XPR1: variants seen among roughly 807,000 people sequenced by gnomAD.
XPR1 encodes the protein xenotropic and polytropic retrovirus receptor 1.
XPR1 carries 28 observed loss-of-function variants against 87.5 expected under a neutral mutation model. That is an observed-to-expected ratio of 0.32 (90% CI 0.24 to 0.44). XPR1 has a LOEUF of 0.44. Among genes scored for constraint, XPR1 ranks in the 20% least tolerant of loss-of-function variants. The probability of loss-of-function intolerance (pLI) is 1.00; values close to 1 mark genes in which losing one functional copy is unlikely to be tolerated. For missense variants in XPR1, 559 were observed against 862.3 expected (o/e 0.65, Z 4.41); for synonymous variants, 300 against 306.1 (o/e 0.98, Z 0.21).
intron 11 of XPR1, among the ~76,000 whole-genome samples, chr1:180,851,419 G>C (rs1173830126): frequency 6.6e-6 from 1 of 152,136 alleles, no homozygotes. Context: ...ATTTATTTGT[G>C]TGCCTATAGA....
chr1:180,772,357 C>T (rs1466821533), intron 2 of XPR1, among the ~76,000 whole-genome samples: 1 of 152,122 alleles, frequency 6.6e-6, no homozygotes, highest in Non-Finnish European at 1.5e-5. Context: ...CCTAAGACCC[C>T]TGACTCCTTT....
At chr1:180,749,281 CTTA>C (rs1647420739) in intron 2 of XPR1, among the ~76,000 whole-genome samples, 3 of 152,142 alleles carry the variant, frequency 2.0e-5, no homozygotes, top group African/African-American at 4.8e-5. Flanking sequence ...ATGTCTGTTG[CTTA>C]TTATTGTGAA....
chr1:180,771,554 G>A (rs2102066537), intron 2 of XPR1, among the ~76,000 whole-genome samples: 1 of 152,182 alleles, frequency 6.6e-6, no homozygotes. Context: ...TTGGTGCCAG[G>A]AACCAATTCA....
intron 2 of XPR1, among the ~76,000 whole-genome samples, chr1:180,753,375 C>T (rs772317094): frequency 2.0e-5 from 3 of 151,896 alleles, no homozygotes; most frequent in African/African-American, 4.8e-5. Context: ...GACCAGCCTG[C>T]GCAACGTGGT....
Position 180,889,548 on chromosome 1 carries a change from A to G in XPR1, c.*5482A>G, listed in dbSNP as rs1430325593. On this transcript the variant is annotated 3_prime_UTR_variant, in exon 15 of 15. Transcript: ENST00000367590. ...CTGTAGCAACACCAGCATGGTGGGA[A>G]TTGGAGGGAAAGATTGTGGAAAATC... The G allele has an allele frequency of 6.6e-6, 1 of 152,268 alleles. No individual in the cohort carries two copies. Among genetic ancestry groups the G allele is most frequent in the East Asian group, 1.9e-4 (1 of 5,196 alleles). 9.4% of individuals were successfully genotyped at this position (152,268 alleles called of 1,614,324 possible).
At chr1:180,691,072 A>G (rs1163254060) in intron 2 of XPR1, among the ~76,000 whole-genome samples, 1 of 152,068 alleles carries the variant, frequency 6.6e-6, no homozygotes, top group African/African-American at 2.4e-5. Flanking sequence ...GAGATGACAC[A>G]TACGGTATTT....
chr1:180,740,008 G>A (rs987735928), intron 2 of XPR1, among the ~76,000 whole-genome samples: 2 of 152,028 alleles, frequency 1.3e-5, no homozygotes, highest in African/African-American at 4.8e-5. Context: ...CACCGTGCCC[G>A]ACCAATTTTT....
chr1:180,646,102 A>T (rs1655110503), intron 1 of XPR1, among the ~76,000 whole-genome samples: 1 of 152,230 alleles, frequency 6.6e-6, no homozygotes, highest in Non-Finnish European at 1.5e-5. Context: ...CCTGGATTCC[A>T]TACCACGGTT....
At chr1:180,683,354 C>A (rs1656650644) in intron 2 of XPR1, among the ~76,000 whole-genome samples, 1 of 150,860 alleles carries the variant, frequency 6.6e-6, no homozygotes, top group Admixed American at 6.6e-5. Flanking sequence ...TTTTCTTAAT[C>A]CAGTCTATTG....
At position 180,880,078 on chromosome 1, in the gene XPR1, G is replaced by A. The variant is rs2102226595; in HGVS notation, c.1811G>A (p.Arg604Gln). ...TVFAPLEVFR[R>Q]FVWNFFRLEN... ...TTGATCTACCCCATTTTGCTAAGGC[G>A]ATTTGTGTGGAACTTCTTCCGCCTG... The change falls in exon 14 of 15, where the codon CGA becomes CAA. Residue 604 changes from arginine to glutamine, a missense_variant and splice_region_variant. Arg to Gln is a conservative substitution (Grantham distance 43). Transcript: ENST00000367590. The A allele has an allele frequency of 2.5e-6, 4 of 1,614,172 alleles. No individual in the cohort carries two copies. The highest frequency in any genetic ancestry group is 1.7e-5 in the Admixed American group (1 of 60,020).
chr1:180,836,489 A>G (rs374960341), intron 10 of XPR1, 33 bp from the exon 11 acceptor site: 4 of 1,611,374 alleles, frequency 2.5e-6, no homozygotes, highest in Admixed American at 1.7e-5. Context: ...ACTTTTTTTC[A>G]ATGGTAATTT....
chr1:180,876,202 T>C (rs775491157), intron 13 of XPR1, among the ~76,000 whole-genome samples: 4 of 152,232 alleles, frequency 2.6e-5, no homozygotes, highest in Non-Finnish European at 5.9e-5. Flanking sequence ...AAGCCTACAA[T>C]GACATTTTAA....
chr1:180,812,217 AC>A (rs1650243301), intron 7 of XPR1, among the ~76,000 whole-genome samples: 1 of 152,130 alleles, frequency 6.6e-6, no homozygotes, highest in African/African-American at 2.4e-5. Flanking sequence ...TGCTAGCTAT[AC>A]TTTTCTTTGT....
At position 180,880,512 on chromosome 1, in the gene XPR1, C is replaced by T. The variant is rs59994037; in HGVS notation, c.2030+215C>T. Among the ~76,000 whole-genome samples, 3,664 of 152,268 alleles carry T rather than the reference C, an allele frequency of 0.024. 148 individuals carry two copies. Among genetic ancestry groups the T allele is most frequent in the African/African-American group, 0.082 (3,422 of 41,530 alleles). ...AGAGTAAATGTCATCAGTGCATAAC[C>T]TAGTAATTTGGCACTAAAGATCCAC... On this transcript the variant is annotated intron_variant, in intron 14 of 14. Transcript: ENST00000367590.
At chr1:180,738,399 C>G (rs1034311749) in intron 2 of XPR1, among the ~76,000 whole-genome samples, 1 of 152,170 alleles carries the variant, frequency 6.6e-6, no homozygotes, top group African/African-American at 2.4e-5. Context: ...TGGAGTTGCT[C>G]TGTATCTTTA....
chr1:180,682,754 CCTTT>C (rs1409498054), intron 2 of XPR1, among the ~76,000 whole-genome samples: 1 of 151,726 alleles, frequency 6.6e-6, no homozygotes, highest in Non-Finnish European at 1.5e-5. Flanking sequence ...CATAGCTTTT[CCTTT>C]CTATTTATGT....
In XPR1 at chr1:180,825,203, T is replaced by C. The variant is rs772046188; in HGVS notation, c.993T>C (p.Leu331=). 9 of 1,613,716 alleles carry C rather than the reference T, an allele frequency of 5.6e-6. No homozygotes were observed. In the African/African-American group the frequency reaches 1.2e-4, roughly 22 times the overall value. The change falls in exon 9 of 15, where the codon CTT becomes CTC. Residue 331 remains leucine, a synonymous_variant. Coordinates refer to ENST00000367590, the MANE Select transcript of XPR1 (RefSeq NM_004736.4). ...TCGGGATATTGTGGTGCCTGAGCCT[T>C]CTGGCATGCTTCTTTGCTCCAATTA... ...GFLGILWCLS[L]LACFFAPISV...
At chr1:180,831,369 T>C (rs906704975) in intron 9 of XPR1, among the ~76,000 whole-genome samples, 19 of 149,492 alleles carry the variant, frequency 1.3e-4, no homozygotes, top group Admixed American at 6.0e-4. Context: ...TTTCTTTTTT[T>C]TTTTTTTTTT....
At chr1:180,678,241 TC>T (rs780088373) in intron 1 of XPR1, among the ~76,000 whole-genome samples, 1 of 152,206 alleles carries the variant, frequency 6.6e-6, no homozygotes, top group Non-Finnish European at 1.5e-5. Context: ...GTTGATTAAA[TC>T]CTATTCTATT....
Sources: gnomAD v4.1 joint callset for allele counts (sites outside exome capture counted in the v4.1 genomes callset) on GRCh38, gnomAD v4.1.1 for gene constraint, MANE v1.5 for transcripts, NCBI Gene and HGNC (gene_info 2026-07-23, HGNC 2026-07-21) for gene names.